The following TSHZ3 variants were observed in gnomAD, a reference collection of about 807,000 sequenced individuals.
TSHZ3 encodes teashirt homolog 3.
A neutral mutation model predicts 64.5 loss-of-function variants in TSHZ3; 10 were observed. The observed-to-expected ratio is 0.16, with a 90% confidence interval of 0.10 to 0.26. The LOEUF is 0.26. Ranked by LOEUF, TSHZ3 falls within the 10% of genes least tolerant of loss-of-function variation. The pLI is 1.00. For missense variants in TSHZ3, 1,242 were observed against 1,421.7 expected, an observed-to-expected ratio of 0.87 and a Z score of 2.03; for synonymous variants, 608 against 593.1, an observed-to-expected ratio of 1.03 and a Z score of -0.36.
chr19:31,250,301 A>G (rs28725350), intron 1 of TSHZ3, among the ~76,000 whole-genome samples: 1 of 152,176 alleles, frequency 6.6e-6, no homozygotes, highest in Non-Finnish European at 1.5e-5. Flanking sequence ...AACAGAACAT[A>G]TTCTTCTTCT....
chr19:31,204,930 C>T (rs2145153643), intron 5 of TSHZ3: 1 of 152,380 alleles, frequency 6.6e-6, no homozygotes, highest in South Asian at 2.1e-4. Flanking sequence ...AGTAAGCACA[C>T]ACCATGTAGA....
chr19:31,151,634 A>G (rs1974240636), exon 7 of TSHZ3, among the ~76,000 whole-genome samples: 1 of 152,190 alleles, frequency 6.6e-6, no homozygotes, highest in Non-Finnish European at 1.5e-5. Context: ...TTGCACAGAA[A>G]CAAAATCTCG....
In TSHZ3 at chr19:31,277,500, T is replaced by C. The variant is rs1337207618; in HGVS notation, c.2293A>G (p.Thr765Ala). 3.7e-6 allele frequency: 6 copies of C among 1,607,828 alleles called. No homozygotes were observed. In the East Asian group the frequency reaches 1.1e-4, roughly 30 times the overall value. Residue 765 changes from threonine (T) to alanine (A), a missense_variant, in exon 2 of 2, where the codon ACC (threonine) becomes GCC (alanine). Physicochemically the swap from Thr to Ala is moderately conservative, Grantham distance 58. Transcript: ENST00000240587. This position sits in a 1 kb window ranked among gnomAD's most constrained non-coding sequence, Gnocchi z 4.5. ...NSLAEKAAVA[T>A]PPPLQSKKAD... ...TTCTTGGACTGCAGGGGCGGCGGGGTGGCCACAGCAGCCTTCTCCGCCAGG... is the reference window on the plus strand; with the variant it reads ...TTCTTGGACTGCAGGGGCGGCGGGGCGGCCACAGCAGCCTTCTCCGCCAGG...
intron 4 of TSHZ3, among the ~76,000 whole-genome samples, chr19:31,211,444 C>T (rs1202570278): frequency 6.6e-6 from 1 of 152,258 alleles, no homozygotes; most frequent in East Asian, 1.9e-4. Context: ...TAGAGGGACA[C>T]ACCAACTTCT....
At chr19:31,265,434 AAAAAG>A (rs112866245) in intron 1 of TSHZ3, among the ~76,000 whole-genome samples, 132 of 150,570 alleles carry the variant, frequency 8.8e-4, no homozygotes, top group Admixed American at 1.5e-3. Flanking sequence ...AGAAAGAAAG[AAAAAG>A]AAAAGAAAAG....
intron 4 of TSHZ3, among the ~76,000 whole-genome samples, chr19:31,222,682 T>C (rs1040144309): frequency 3.9e-5 from 6 of 152,200 alleles, no homozygotes; most frequent in Non-Finnish European, 5.9e-5. Flanking sequence ...ACTTCCTTCA[T>C]AGGAGGTACT....
At chr19:31,197,545 G>C (rs1193948358) in intron 5 of TSHZ3, among the ~76,000 whole-genome samples, 1 of 151,302 alleles carries the variant, frequency 6.6e-6, no homozygotes, top group Non-Finnish European at 1.5e-5. Flanking sequence ...GAAAATATAA[G>C]TAAAATTAAA....
chr19:31,177,474 A>C (rs1568338100), intron 5 of TSHZ3, among the ~76,000 whole-genome samples: 1 of 152,188 alleles, frequency 6.6e-6, no homozygotes, highest in Non-Finnish European at 1.5e-5. Flanking sequence ...CTTGGCTTCC[A>C]GCCACATCCC....
chr19:31,205,810 C>A lies in TSHZ3; in HGVS notation n.687-732G>T, dbSNP rs75874016. Among the ~76,000 whole-genome samples the A allele has an allele frequency of 6.8e-3, 1,029 of 152,314 alleles. 16 individuals are homozygous for A. Among genetic ancestry groups the A allele is most frequent in the African/African-American group, 0.024 (982 of 41,564 alleles). On this transcript the variant is annotated intron_variant and non_coding_transcript_variant, in intron 4 of 6. Coordinates refer to the TSHZ3 transcript ENST00000651361. ...ACTTAGCTGATAAATACAAGGCTGCCTTTTCCAAAAATGTTTCTGAATAGA... is the reference window on the plus strand; with the variant it reads ...ACTTAGCTGATAAATACAAGGCTGCATTTTCCAAAAATGTTTCTGAATAGA...
At chr19:31,188,133 A>G (rs975425519) in intron 5 of TSHZ3, among the ~76,000 whole-genome samples, 2 of 151,470 alleles carry the variant, frequency 1.3e-5, no homozygotes, top group African/African-American at 4.8e-5. Flanking sequence ...ATATTTTCTT[A>G]AGTATTTTTA....
intron 1 of TSHZ3, among the ~76,000 whole-genome samples, chr19:31,280,315 A>C (rs1418332593): frequency 1.3e-5 from 2 of 152,108 alleles, no homozygotes; most frequent in Non-Finnish European, 2.9e-5. Flanking sequence ...CATTGTAATA[A>C]GGGAAAAACA....
chr19:31,166,532 C>T (rs1460393092), intron 5 of TSHZ3, among the ~76,000 whole-genome samples: 3 of 152,178 alleles, frequency 2.0e-5, no homozygotes, highest in African/African-American at 4.8e-5. Flanking sequence ...GGAGAGATGC[C>T]TTCTGGGACC....
chr19:31,200,353 C>T (rs755606687), intron 5 of TSHZ3, among the ~76,000 whole-genome samples: 4 of 151,922 alleles, frequency 2.6e-5, no homozygotes, highest in African/African-American at 9.7e-5. Context: ...GATAAATAAA[C>T]TAAAAGTCTG....
In TSHZ3 at chr19:31,187,609, T is replaced by A. The variant is rs188631582; in HGVS notation, n.809+17347A>T. 3.1e-3 allele frequency among the ~76,000 whole-genome samples: 475 copies of A among 152,280 alleles called. 6 individuals are homozygous for A. Among genetic ancestry groups the A allele is most frequent in the African/African-American group, 0.011 (454 of 41,576 alleles). ...GGTCTATAATCTATCATAAATTAAT[T>A]TTTGCATTTAGTGTTAGGTAGGGTT... On this transcript the variant is annotated intron_variant and non_coding_transcript_variant, in intron 5 of 6. Coordinates refer to the TSHZ3 transcript ENST00000651361.
At chr19:31,344,822 T>C (rs1333416751) in intron 1 of TSHZ3, among the ~76,000 whole-genome samples, 8 of 152,232 alleles carry the variant, frequency 5.3e-5, no homozygotes, top group African/African-American at 1.4e-4. Context: ...CCTTTCATTC[T>C]AATCACTTGA....
intron 4 of TSHZ3, among the ~76,000 whole-genome samples, chr19:31,227,060 C>A (rs1975476629): frequency 7.3e-6 from 1 of 137,832 alleles, no homozygotes; most frequent in Non-Finnish European, 1.5e-5. Flanking sequence ...CTTACTGCAA[C>A]CTCAGCCTTC....
chr19:31,255,655 C>A (rs1204459128), intron 1 of TSHZ3, among the ~76,000 whole-genome samples: 1 of 152,116 alleles, frequency 6.6e-6, no homozygotes, highest in Non-Finnish European at 1.5e-5. Flanking sequence ...GTCACTCAAG[C>A]ACCCCGGGGT....
intron 5 of TSHZ3, among the ~76,000 whole-genome samples, chr19:31,166,108 C>A (rs1327041077): frequency 6.6e-6 from 1 of 152,194 alleles, no homozygotes; most frequent in Non-Finnish European, 1.5e-5. Flanking sequence ...TCCTGCACAG[C>A]GTTCAGCACT....
At chr19:31,260,586 CT>C (rs1432335825) in intron 1 of TSHZ3, among the ~76,000 whole-genome samples, 1 of 152,198 alleles carries the variant, frequency 6.6e-6, no homozygotes, top group Non-Finnish European at 1.5e-5. Context: ...TCCAGGTAGT[CT>C]TTTTCCAGGA....
Sources: gnomAD v4.1 joint callset for allele counts (sites outside exome capture counted in the v4.1 genomes callset) on GRCh38, gnomAD v4.1.1 for gene constraint, Gnocchi (gnomAD v3.1) non-coding constraint, MANE v1.5 for transcripts, NCBI Gene and HGNC (gene_info 2026-07-23, HGNC 2026-07-21) for gene names.